Variants in NCOA2 observed in about 807,000 individuals in gnomAD.
NCOA2 encodes class E basic helix-loop-helix protein 75.
A neutral mutation model predicts 145.1 loss-of-function variants in NCOA2; 21 were observed. That is an observed-to-expected ratio of 0.14 (90% CI 0.10 to 0.21). NCOA2 has a LOEUF of 0.21. Among genes scored for constraint, NCOA2 ranks in the 10% least tolerant of loss-of-function variants. The pLI is 1.00. For synonymous variants in NCOA2, 619 were observed against 637.5 expected (o/e 0.97, Z 0.44); for missense variants, 1,472 against 1,837.6 (o/e 0.80, Z 3.64).
the NCOA2 span, among the ~76,000 whole-genome samples, chr8:70,436,422 C>A: frequency 1.3e-5 from 2 of 152,218 alleles, no homozygotes; most frequent in Non-Finnish European, 2.9e-5. Flanking sequence ...TTCCTAGGAA[C>A]TTTCACAACA....
intron 1 of NCOA2, 80 bp downstream of exon 1, chr8:70,403,619 GC>G (rs1269647114): frequency 1.9e-5 from 6 of 317,244 alleles, no homozygotes; most frequent in Non-Finnish European, 3.3e-5. Flanking sequence ...GGCAGTCGCG[GC>G]CGGGGGTGGG....
rs1452452589 is a variant in NCOA2 at position 70,308,258 on chromosome 8, A to G, written c.-76-11458T>C. Reference sequence around the variant, plus strand: ...TTTCATGGGGCTAAATTTTCCTTTTATTTTCTGAAATGGTGATGCTAGTAA... The same window carrying G: ...TTTCATGGGGCTAAATTTTCCTTTTGTTTTCTGAAATGGTGATGCTAGTAA... On this transcript the variant is annotated intron_variant, in intron 1 of 22. Coordinates refer to ENST00000452400, the MANE Select transcript of NCOA2 (RefSeq NM_006540.4). Among the ~76,000 whole-genome samples the G allele has an allele frequency of 2.0e-5, 3 of 152,088 alleles. No homozygotes were observed. The East Asian group carries it at 5.8e-4, about 29-fold the overall frequency.
At chr8:70,380,550 A>G (rs1812092970) in intron 1 of NCOA2, among the ~76,000 whole-genome samples, 1 of 152,166 alleles carries the variant, frequency 6.6e-6, no homozygotes, top group Admixed American at 6.5e-5. Flanking sequence ...GGCAAAAAAG[A>G]TTTCTGCTGT....
At chr8:70,217,312 TAATC>T (rs1819713995) in intron 2 of NCOA2, among the ~76,000 whole-genome samples, 1 of 152,194 alleles carries the variant, frequency 6.6e-6, no homozygotes, top group African/African-American at 2.4e-5. Context: ...CAAGGCCTCT[TAATC>T]AATGCCCCCT....
chr8:70,362,286 T>A (rs943991884), intron 1 of NCOA2, among the ~76,000 whole-genome samples: 1 of 152,208 alleles, frequency 6.6e-6, no homozygotes, highest in African/African-American at 2.4e-5. Flanking sequence ...CATAGACATA[T>A]TTAGATGGAC....
chr8:70,258,792 C>T (rs901140122), intron 2 of NCOA2, among the ~76,000 whole-genome samples: 3 of 152,182 alleles, frequency 2.0e-5, no homozygotes, highest in Admixed American at 6.5e-5. Context: ...ATAGAAATTA[C>T]TGTACAGTAC....
chr8:70,441,126 A>G, the NCOA2 span, among the ~76,000 whole-genome samples: 1 of 3,540 alleles, frequency 2.8e-4, no homozygotes, highest in South Asian at 0.013. Context: ...AAGAAAGAGA[A>G]AGAAAGAAAG....
At position 70,214,069 on chromosome 8, in the gene NCOA2, T is replaced by C. The variant is rs1229639612; in HGVS notation, c.93A>G (p.Lys31=). 6.3e-6 allele frequency: 10 copies of C among 1,596,286 alleles called. No individual in the cohort carries two copies. The highest frequency in any genetic ancestry group is 7.7e-6 in the Non-Finnish European group (9 of 1,175,950). Reference sequence around the variant, plus strand: ...CACGATTACGTTTTTCAGTGTTCCTTTTGGGGCTTAAAAGAAGAAACACAT... The same window carrying C: ...CACGATTACGTTTTTCAGTGTTCCTCTTGGGGCTTAAAAGAAGAAACACAT... ...ECPDQLGPSP[K]RNTEKRNREQ... is the part of the protein sequence containing the mutation. Residue 31 remains lysine, a synonymous_variant, in exon 4 of 23, where the codon AAA becomes AAG. Transcript: ENST00000452400.
chr8:70,175,067 T>C (rs1185339530), intron 4 of NCOA2, among the ~76,000 whole-genome samples: 3 of 152,238 alleles, frequency 2.0e-5, no homozygotes, highest in East Asian at 1.9e-4. Context: ...CTAGAACCTG[T>C]GGCTTGGATC....
intron 1 of NCOA2, 108 bp downstream of exon 1, chr8:70,403,592 G>C (rs543739092): frequency 1.9e-5 from 6 of 321,964 alleles, no homozygotes; most frequent in African/African-American, 8.8e-5. Context: ...GGCTCTGTCG[G>C]AGCTCGGCGC....
chr8:70,231,289 T>A (rs1248767148), intron 2 of NCOA2, among the ~76,000 whole-genome samples: 1 of 152,238 alleles, frequency 6.6e-6, no homozygotes, highest in Non-Finnish European at 1.5e-5. Context: ...TTTAAACTGA[T>A]TCCTAGTAAT....
intron 4 of NCOA2, among the ~76,000 whole-genome samples, chr8:70,207,862 C>CAAAAAAAAAAAAA (rs754670876): frequency 5.3e-4 from 19 of 36,180 alleles, no homozygotes; most frequent in African/African-American, 2.1e-3. Context: ...GACTCCACCT[C>CAAAAAAAAAAAAA]AAAAAAAAAA....
chr8:70,290,184 ATT>A (rs918257984), intron 2 of NCOA2, among the ~76,000 whole-genome samples: 3,074 of 122,234 alleles, frequency 0.025, 114 homozygotes, highest in African/African-American at 0.092. Flanking sequence ...ATTTCCATTG[ATT>A]TTTTTTTTTT....
At chr8:70,221,231 T>A (rs1372793380) in intron 2 of NCOA2, among the ~76,000 whole-genome samples, 1 of 152,200 alleles carries the variant, frequency 6.6e-6, no homozygotes, top group African/African-American at 2.4e-5. Context: ...AAAGTATACA[T>A]AAAACCTCAC....
chr8:70,447,095 A>G, the NCOA2 span, among the ~76,000 whole-genome samples: 3 of 152,244 alleles, frequency 2.0e-5, no homozygotes, highest in Admixed American at 1.3e-4. Flanking sequence ...AAAGATACAT[A>G]TGAATGAATT....
At chr8:70,322,208 A>G (rs1409218716) in intron 1 of NCOA2, among the ~76,000 whole-genome samples, 2 of 152,084 alleles carry the variant, frequency 1.3e-5, no homozygotes, top group Non-Finnish European at 2.9e-5. Context: ...TGCCATTAAA[A>G]CTAGGTACAC....
chr8:70,304,856 C>CT (rs34611471), intron 1 of NCOA2, among the ~76,000 whole-genome samples: 1,275 of 125,690 alleles, frequency 0.01, 14 homozygotes, highest in African/African-American at 0.02. Flanking sequence ...AAGTAACTAG[C>CT]TTTTTTTTTT....
intron 1 of NCOA2, among the ~76,000 whole-genome samples, chr8:70,326,433 A>ACACACACACACACACACGTG (rs1563766848): frequency 6.9e-6 from 1 of 144,658 alleles, no homozygotes; most frequent in East Asian, 2.2e-4. Flanking sequence ...TCTCTCTCAC[A>ACACACACACACACACACGTG]CACACACACA....
chr8:70,241,205 T>C (rs1822099317), intron 2 of NCOA2, among the ~76,000 whole-genome samples: 1 of 152,116 alleles, frequency 6.6e-6, no homozygotes, highest in South Asian at 2.1e-4. Flanking sequence ...AAGCAGCAAG[T>C]TCTCCATTTG....
Sources: gnomAD v4.1 joint callset for allele counts (sites outside exome capture counted in the v4.1 genomes callset) on GRCh38, gnomAD v4.1.1 for gene constraint, MANE v1.5 for transcripts, NCBI Gene and HGNC (gene_info 2026-07-23, HGNC 2026-07-21) for gene names.